Variants in LYPD6 observed in about 807,000 individuals in gnomAD.
LYPD6 encodes LY6/PLAUR domain containing 6, also known as ly6/PLAUR domain-containing protein 6.
A neutral mutation model predicts 22.7 loss-of-function variants in LYPD6; 15 were observed. That is an observed-to-expected ratio of 0.66 (90% CI 0.44 to 1.02). The LOEUF is 1.02. LYPD6 is among the 50% of genes least tolerant of loss of function. LYPD6 has a pLI of 0.00. For synonymous variants in LYPD6, 72 were observed against 77.5 expected (o/e 0.93, Z 0.37); for missense variants, 189 against 208.4 (o/e 0.91, Z 0.57).
intron 3 of LYPD6, among the ~76,000 whole-genome samples, chr2:149,468,052 G>A (rs1416911377): frequency 1.3e-5 from 2 of 151,528 alleles, no homozygotes; most frequent in African/African-American, 4.9e-5. Context: ...GTCTTCGTCT[G>A]TAATGCACCC....
chr2:149,362,914 T>A (rs1681598365), intron 1 of LYPD6, among the ~76,000 whole-genome samples: 1 of 152,176 alleles, frequency 6.6e-6, no homozygotes, highest in African/African-American at 2.4e-5. Context: ...GCTTCATCTT[T>A]AGCGACAAGG....
chr2:149,461,601 A>G (rs1435702230), intron 3 of LYPD6, among the ~76,000 whole-genome samples: 1 of 151,994 alleles, frequency 6.6e-6, no homozygotes, highest in Non-Finnish European at 1.5e-5. Flanking sequence ...AAACAAACAA[A>G]TACAAAATTC....
chr2:149,399,746 A>T (rs1272809444), intron 1 of LYPD6, among the ~76,000 whole-genome samples: 1 of 151,512 alleles, frequency 6.6e-6, no homozygotes, highest in African/African-American at 2.4e-5. Context: ...AAATAAGTAC[A>T]TAATGAAATA....
chr2:149,449,547 T>C (rs1445520632), intron 3 of LYPD6, among the ~76,000 whole-genome samples: 1 of 152,220 alleles, frequency 6.6e-6, no homozygotes, highest in Non-Finnish European at 1.5e-5. Flanking sequence ...GCCAGAGACT[T>C]TCATGCAGTC....
At chr2:149,370,278 C>T (rs886504400) in intron 1 of LYPD6, among the ~76,000 whole-genome samples, 1 of 152,110 alleles carries the variant, frequency 6.6e-6, no homozygotes, top group African/African-American at 2.4e-5. Context: ...ATAGGAGCCC[C>T]AAGTTGGGCC....
rs558913749 is a variant in LYPD6 at position 149,389,309 on chromosome 2, C to T, written c.-71-48329C>T. The stretch of plus-strand genomic sequence containing the variant: ...ACAGGGTGGGGGAGAGTTGGGGTAG[C>T]TACTCCTGTCTCTCCGAGTTGATTT... On this transcript the variant is annotated intron_variant, in intron 1 of 4. Coordinates refer to ENST00000334166, the MANE Select transcript of LYPD6 (RefSeq NM_194317.5). 1.1e-4 allele frequency among the ~76,000 whole-genome samples: 16 copies of T among 152,166 alleles called. No individual in the cohort carries two copies. The South Asian group carries it at 2.9e-3, about 28-fold the overall frequency.
intron 1 of LYPD6, among the ~76,000 whole-genome samples, chr2:149,377,884 C>T (rs1681964829): frequency 1.4e-5 from 2 of 147,200 alleles, no homozygotes; most frequent in Non-Finnish European, 3.0e-5. Context: ...TTACTCTTGC[C>T]CTGGAGCCTC....
chr2:149,397,108 C>A (rs912776146), intron 1 of LYPD6, among the ~76,000 whole-genome samples: 2 of 152,104 alleles, frequency 1.3e-5, no homozygotes. Flanking sequence ...TCATCGGTGT[C>A]GAACCTGTGG....
intron 1 of LYPD6, among the ~76,000 whole-genome samples, chr2:149,358,972 C>T (rs1170093390): frequency 6.6e-6 from 1 of 152,148 alleles, no homozygotes. Flanking sequence ...AAAGTACTAT[C>T]TCAATTTATT....
At chr2:149,380,723 A>G (rs1682041046) in intron 1 of LYPD6, among the ~76,000 whole-genome samples, 2 of 152,204 alleles carry the variant, frequency 1.3e-5, no homozygotes, top group Admixed American at 1.3e-4. Context: ...GGATAAAAAT[A>G]TATAGTTGAG....
intron 1 of LYPD6, among the ~76,000 whole-genome samples, chr2:149,365,723 A>AG (rs1182472852): frequency 1.2e-3 from 184 of 152,302 alleles, no homozygotes; most frequent in Admixed American, 2.9e-3. Flanking sequence ...CAGCTACTAC[A>AG]CTTGATCTTA....
intron 1 of LYPD6, among the ~76,000 whole-genome samples, chr2:149,360,053 C>T (rs1008534557): frequency 2.0e-5 from 3 of 152,182 alleles, no homozygotes; most frequent in African/African-American, 7.2e-5. Context: ...TAGGCAATTC[C>T]TGGAACTGAG....
intron 1 of LYPD6, among the ~76,000 whole-genome samples, chr2:149,386,360 A>G (rs1369205143): frequency 6.6e-6 from 1 of 152,204 alleles, no homozygotes. Context: ...CGTTATAGAC[A>G]TGGAAGGTCC....
At position 149,473,930 on chromosome 2, in the gene LYPD6, T is replaced by A. The variant is rs998755920; in HGVS notation, c.*3080T>A. On this transcript the variant is annotated 3_prime_UTR_variant, in exon 5 of 5. Transcript: ENST00000334166. ...AGGAAATATAAAAATTATGTGTGTA[T>A]GTGTATGTATATATATATACCACCC... is the stretch of plus-strand genomic sequence containing the variant. The A allele has an allele frequency of 6.6e-6, 1 of 152,216 alleles. No homozygotes were observed. Among genetic ancestry groups the A allele is most frequent in the Admixed American group, 6.6e-5 (1 of 15,266 alleles). The allele number at this position is 152,216 out of a possible 1,614,324, so 9.4% of individuals were successfully genotyped here. A position where few individuals can be genotyped will look rare whatever the true frequency, so the allele number is the denominator to read the frequency against.
chr2:149,391,911 A>G (rs889461942), intron 1 of LYPD6, among the ~76,000 whole-genome samples: 30 of 152,238 alleles, frequency 2.0e-4, no homozygotes, highest in African/African-American at 7.0e-4. Flanking sequence ...GGGGGAAGCC[A>G]TAGAAGTCGG....
chr2:149,445,595 A>G (rs1255896124), intron 2 of LYPD6, among the ~76,000 whole-genome samples: 2 of 152,244 alleles, frequency 1.3e-5, no homozygotes, highest in East Asian at 1.9e-4. Flanking sequence ...TGTTATGGAA[A>G]TGGATTTTTT....
At chr2:149,364,381 C>A (rs908089350) in intron 1 of LYPD6, among the ~76,000 whole-genome samples, 1 of 152,100 alleles carries the variant, frequency 6.6e-6, no homozygotes, top group Non-Finnish European at 1.5e-5. Flanking sequence ...GAAGGCCTGA[C>A]CTGACCAGAC....
At chr2:149,418,575 T>C (rs1456823795) in intron 1 of LYPD6, among the ~76,000 whole-genome samples, 1 of 150,772 alleles carries the variant, frequency 6.6e-6, no homozygotes, top group African/African-American at 2.5e-5. Flanking sequence ...AACACTTCTT[T>C]CCTCTAATTC....
chr2:149,404,698 C>T (rs1682654090), intron 1 of LYPD6, among the ~76,000 whole-genome samples: 1 of 152,138 alleles, frequency 6.6e-6, no homozygotes, highest in Non-Finnish European at 1.5e-5. Context: ...ATTTGACTTC[C>T]TCTTTTCGTA....
Sources: allele counts gnomAD v4.1 joint callset (sites outside exome capture counted in the v4.1 genomes callset), GRCh38; gene constraint gnomAD v4.1.1; transcripts MANE v1.5; gene names NCBI Gene and HGNC (gene_info 2026-07-23, HGNC 2026-07-21).